Variants in ITPR1 observed in about 807,000 individuals in gnomAD.
ITPR1 encodes inositol 1,4,5-trisphosphate-gated calcium channel ITPR1.
ITPR1 carries 96 observed loss-of-function variants against 318.4 expected under a neutral mutation model. The ratio of observed to expected loss-of-function variants is 0.30; its 90% confidence interval spans 0.26 to 0.36. ITPR1 has a LOEUF of 0.36. Ranked by LOEUF, ITPR1 falls within the 10% of genes least tolerant of loss-of-function variation. The pLI, the probability that ITPR1 is intolerant of heterozygous loss-of-function variation, is 1.00. For missense variants in ITPR1, 2,440 were observed against 3,460.2 expected (o/e 0.71, Z 7.40); for synonymous variants, 1,312 against 1,289.9 (o/e 1.02, Z -0.37).
intron 4 of ITPR1, among the ~76,000 whole-genome samples, chr3:4,594,518 C>G (rs2090642768): frequency 6.6e-6 from 1 of 152,154 alleles, no homozygotes; most frequent in African/African-American, 2.4e-5. Context: ...AGAGCCAAAT[C>G]CCTTGTCTCT....
intron 61 of ITPR1, among the ~76,000 whole-genome samples, chr3:4,838,731 A>G (rs2051114144): frequency 6.6e-6 from 1 of 152,218 alleles, no homozygotes; most frequent in South Asian, 2.1e-4. Context: ...TTGCTCACTC[A>G]TTTCTGCTTC....
At chr3:4,758,363 C>T (rs1373428587) in intron 44 of ITPR1, among the ~76,000 whole-genome samples, 1 of 152,192 alleles carries the variant, frequency 6.6e-6, no homozygotes, top group East Asian at 1.9e-4. Context: ...CCGCTCCCAC[C>T]AGGCTCCACC....
At chr3:4,606,035 G>A (rs996263857) in intron 4 of ITPR1, among the ~76,000 whole-genome samples, 1 of 152,162 alleles carries the variant, frequency 6.6e-6, no homozygotes, top group Non-Finnish European at 1.5e-5. Flanking sequence ...CCAGAGGCTT[G>A]ATCAACTTTT....
chr3:4,699,886 G>C lies in ITPR1; in HGVS notation c.4481G>C (p.Ser1494Thr), dbSNP rs1289243267. The C allele has an allele frequency of 1.2e-6, 2 of 1,613,774 alleles. No individual in the cohort carries two copies. Among genetic ancestry groups the C allele is most frequent in the East Asian group, 4.5e-5 (2 of 44,870 alleles). The change falls in exon 35 of 62, where the codon AGT becomes ACT. Residue 1494 changes from serine to threonine, a missense_variant. Around this residue, in one of 23 missense-constraint regions of ITPR1, gnomAD observed 73 missense variants for 59.5 expected, o/e 1.23. Transcript: ENST00000649015. ...AAGTATGTCACCGAAATCGTCATGA[G>C]TATTGTTACTACTTTCTTCAGCTCT... is the stretch of plus-strand genomic sequence containing the variant. ...LEKYVTEIVM[S>T]IVTTFFSSPF... is the part of the protein sequence containing the mutation.
At chr3:4,748,790 G>C (rs185113449) in intron 44 of ITPR1, among the ~76,000 whole-genome samples, 1 of 152,154 alleles carries the variant, frequency 6.6e-6, no homozygotes, top group African/African-American at 2.4e-5. Context: ...ACACTCCCTC[G>C]GTTATCAGCT....
chr3:4,830,713 A>G (rs1223599652), intron 60 of ITPR1, among the ~76,000 whole-genome samples: 1 of 152,172 alleles, frequency 6.6e-6, no homozygotes, highest in African/African-American at 2.4e-5. Context: ...AGCAGTAGAC[A>G]TGAAGCTGCC....
intron 4 of ITPR1, among the ~76,000 whole-genome samples, chr3:4,610,584 G>A (rs77430173): frequency 0.06 from 9,092 of 151,966 alleles, 380 homozygotes; most frequent in Middle Eastern, 0.095. Flanking sequence ...TTTTTAAATA[G>A]CCAGCGGAAT....
chr3:4,542,420 G>T (rs2124978129), intron 4 of ITPR1, among the ~76,000 whole-genome samples: 1 of 152,254 alleles, frequency 6.6e-6, no homozygotes, highest in East Asian at 1.9e-4. Context: ...GCCAACTCAA[G>T]ACTATTTAAA....
intron 4 of ITPR1, among the ~76,000 whole-genome samples, chr3:4,608,599 T>C (rs1357242135): frequency 6.6e-6 from 1 of 151,986 alleles, no homozygotes; most frequent in Non-Finnish European, 1.5e-5. Context: ...TTGTTAGAAC[T>C]AGGGAGTGGG....
chr3:4,834,984 A>G (rs2050791946), intron 60 of ITPR1, among the ~76,000 whole-genome samples: 1 of 152,158 alleles, frequency 6.6e-6, no homozygotes, highest in South Asian at 2.1e-4. Flanking sequence ...GGGTGCATGC[A>G]GAAGAAGAGT....
chr3:4,696,026 A>C lies in ITPR1; in HGVS notation c.4282-1121A>C, dbSNP rs550357925. On this transcript the variant is annotated intron_variant, in intron 33 of 61. Transcript: ENST00000649015. ...ACCATTCCTCCTCCCAACCCTGCTA[A>C]CATTTGCTATCATCAGATCCTTTAT... 3.9e-5 allele frequency among the ~76,000 whole-genome samples: 6 copies of C among 152,294 alleles called. No homozygotes were observed. In the East Asian group the frequency reaches 1.2e-3, roughly 29 times the overall value.
In ITPR1 at chr3:4,537,398, A is replaced by G. The variant is rs114436745; in HGVS notation, c.163+16304A>G. 6.6e-3 allele frequency among the ~76,000 whole-genome samples: 1,012 copies of G among 152,320 alleles called. 16 individuals are homozygous for G. The highest frequency in any genetic ancestry group is 0.023 in the African/African-American group (961 of 41,568). On this transcript the variant is annotated intron_variant, in intron 4 of 61. Coordinates refer to ENST00000649015, the MANE Select transcript of ITPR1 (RefSeq NM_001378452.1). ...CCATGTCATCTAAGTTTTCAAATCT[A>G]TAGTCTCCTTGTATTATTTTGTTCC... is the stretch of plus-strand genomic sequence containing the variant.
chr3:4,610,181 C>T (rs2091986084), intron 4 of ITPR1, among the ~76,000 whole-genome samples: 1 of 152,162 alleles, frequency 6.6e-6, no homozygotes. Flanking sequence ...GTGGATCCTG[C>T]AAAGCTCAAA....
chr3:4,503,072 G>A (rs898174046), intron 2 of ITPR1, among the ~76,000 whole-genome samples: 17 of 152,074 alleles, frequency 1.1e-4, no homozygotes, highest in Admixed American at 4.6e-4. Context: ...GGGGCAGAGT[G>A]AGACTCCATC....
chr3:4,673,804 G>A (rs1209632856), intron 21 of ITPR1, among the ~76,000 whole-genome samples: 1 of 152,112 alleles, frequency 6.6e-6, no homozygotes, highest in Non-Finnish European at 1.5e-5. Context: ...GGACGGTCTC[G>A]ATCTCCTGAC....
intron 54 of ITPR1, among the ~76,000 whole-genome samples, chr3:4,801,346 CAGT>C (rs2048216630): frequency 5.3e-5 from 8 of 152,154 alleles, no homozygotes; most frequent in African/African-American, 1.9e-4. Context: ...TATAGTAATT[CAGT>C]GCAACAGCAA....
chr3:4,743,867 C>G (rs1239025592), intron 44 of ITPR1, among the ~76,000 whole-genome samples: 1 of 152,180 alleles, frequency 6.6e-6, no homozygotes, highest in African/African-American at 2.4e-5. Context: ...CGGAGTCTCA[C>G]TATGTCACCC....
At chr3:4,590,629 A>G (rs1181901968) in intron 4 of ITPR1, among the ~76,000 whole-genome samples, 1 of 151,800 alleles carries the variant, frequency 6.6e-6, no homozygotes, top group Non-Finnish European at 1.5e-5. Context: ...GCCCAGGCTG[A>G]CCTTGAACTC....
intron 30 of ITPR1, 124 bp from the exon 31 acceptor site, chr3:4,688,371 T>G: frequency 8.8e-7 from 1 of 1,139,102 alleles, no homozygotes. Context: ...CCCCTCAATA[T>G]TTACCCACAA....
Sources: allele counts gnomAD v4.1 joint callset (sites outside exome capture counted in the v4.1 genomes callset), GRCh38; gene constraint gnomAD v4.1.1; regional missense constraint gnomAD v4.1.1; transcripts MANE v1.5; gene names NCBI Gene and HGNC (gene_info 2026-07-23, HGNC 2026-07-21).